The following PRKCE variants were observed in gnomAD, a reference collection of about 807,000 sequenced individuals.
The protein encoded by PRKCE is protein kinase C epsilon type.
A neutral mutation model predicts 85.4 loss-of-function variants in PRKCE; 16 were observed. The ratio of observed to expected loss-of-function variants is 0.19; its 90% CI spans 0.13 to 0.28. The LOEUF is 0.28. Ranked by LOEUF, PRKCE falls within the 10% of genes least tolerant of loss-of-function variation. The probability of loss-of-function intolerance (pLI) is 1.00; values close to 1 mark genes in which losing one functional copy is unlikely to be tolerated. For synonymous variants in PRKCE, 388 were observed against 371.5 expected (o/e 1.04, Z -0.51); for missense variants, 573 against 975.2 (o/e 0.59, Z 5.49).
intron 10 of PRKCE, among the ~76,000 whole-genome samples, chr2:46,044,929 G>A (rs1708428742): frequency 6.6e-6 from 1 of 152,130 alleles, no homozygotes; most frequent in Non-Finnish European, 1.5e-5. Context: ...TTACATGTTT[G>A]TATCTTCTTA....
At position 45,705,922 on chromosome 2, in the gene PRKCE, G is replaced by A. The variant is rs1049571646; in HGVS notation, c.348+53474G>A. Among the ~76,000 whole-genome samples, 7 of 152,312 alleles carry A rather than the reference G, an allele frequency of 4.6e-5. No individual in the cohort carries two copies. The South Asian group carries it at 1.4e-3, about 32-fold the overall frequency. On this transcript the variant is annotated intron_variant, in intron 1 of 14. Coordinates refer to ENST00000306156, the MANE Select transcript of PRKCE (RefSeq NM_005400.3). ...TGAAGATGATTGTAACCTGGGTGTG[G>A]AGTGGGGCCTTTTGTCAGTTGCTTT...
intron 9 of PRKCE, among the ~76,000 whole-genome samples, chr2:46,008,734 TGACTA>T (rs923762707): frequency 6.6e-6 from 1 of 152,186 alleles, no homozygotes; most frequent in Non-Finnish European, 1.5e-5. Flanking sequence ...CTTTAGAGAC[TGACTA>T]AATAAAAAGA....
At chr2:46,158,533 C>G (rs776126945) in intron 13 of PRKCE, among the ~76,000 whole-genome samples, 1 of 152,154 alleles carries the variant, frequency 6.6e-6, no homozygotes, top group African/African-American at 2.4e-5. Flanking sequence ...CCCCTCCAAT[C>G]GCATTGAACT....
At chr2:45,962,580 G>C (rs565145990) in intron 2 of PRKCE, among the ~76,000 whole-genome samples, 1 of 152,150 alleles carries the variant, frequency 6.6e-6, no homozygotes, top group Admixed American at 6.5e-5. Flanking sequence ...GTTTCTCTTG[G>C]TTGCAGAGCT....
intron 1 of PRKCE, among the ~76,000 whole-genome samples, chr2:45,770,152 C>T (rs141480968): frequency 1.3e-3 from 192 of 152,332 alleles, no homozygotes; most frequent in African/African-American, 4.1e-3. Flanking sequence ...GTAGTGTATG[C>T]TCCAGCCCTC....
intron 2 of PRKCE, among the ~76,000 whole-genome samples, chr2:45,909,009 G>A (rs1057283614): frequency 1.3e-5 from 2 of 152,194 alleles, no homozygotes; most frequent in Non-Finnish European, 2.9e-5. Context: ...CCTTGACCTT[G>A]AAGTCAGCCA....
intron 10 of PRKCE, among the ~76,000 whole-genome samples, chr2:46,058,683 C>A (rs1457511041): frequency 6.6e-6 from 1 of 152,130 alleles, no homozygotes; most frequent in East Asian, 1.9e-4. Flanking sequence ...TGGTTTCACT[C>A]ACATTGAATT....
At chr2:45,878,659 T>C (rs1694655485) in intron 2 of PRKCE, among the ~76,000 whole-genome samples, 1 of 152,256 alleles carries the variant, frequency 6.6e-6, no homozygotes, top group Non-Finnish European at 1.5e-5. Context: ...TTGTTATTTT[T>C]AGTGGTATAG....
intron 3 of PRKCE, 94 bp downstream of exon 3, chr2:45,976,682 T>G: frequency 7.1e-7 from 1 of 1,404,130 alleles, no homozygotes; most frequent in Non-Finnish European, 9.7e-7. Flanking sequence ...ATTTAAAGAA[T>G]GCTGGTGTGC....
At chr2:46,180,685 T>C (rs1341373968) in intron 14 of PRKCE, among the ~76,000 whole-genome samples, 2 of 152,210 alleles carry the variant, frequency 1.3e-5, no homozygotes, top group African/African-American at 4.8e-5. Flanking sequence ...ATTTATTGAG[T>C]GCACTCTGTA....
intron 1 of PRKCE, among the ~76,000 whole-genome samples, chr2:45,752,763 C>T (rs1056418496): frequency 6.6e-6 from 1 of 152,304 alleles, no homozygotes; most frequent in Admixed American, 6.5e-5. Flanking sequence ...ACCTAGGTAC[C>T]TACCTCCACC....
At chr2:46,034,648 C>T (rs1707745759) in intron 10 of PRKCE, among the ~76,000 whole-genome samples, 1 of 152,314 alleles carries the variant, frequency 6.6e-6, no homozygotes. Context: ...ACGCCGAGGC[C>T]ATGGGCTTAG....
intron 10 of PRKCE, among the ~76,000 whole-genome samples, chr2:46,011,385 T>G (rs1270440447): frequency 6.6e-6 from 1 of 152,240 alleles, no homozygotes; most frequent in Non-Finnish European, 1.5e-5. Flanking sequence ...TTTTTCCACT[T>G]AAAATTCAAT....
In PRKCE at chr2:46,186,786, C is replaced by G. The variant is rs1485845411; in HGVS notation, c.*1905C>G. 2 of 152,176 alleles carry G rather than the reference C, an allele frequency of 1.3e-5. No homozygotes were observed. Among genetic ancestry groups the G allele is most frequent in the African/African-American group, 4.9e-5 (2 of 41,158 alleles). The allele number at this position is 152,176 out of a possible 1,614,324, so 9.4% of individuals were successfully genotyped here. ...CTTGAGCCCATTAGAGAGTCTGTGT[C>G]CATATTTGCATCTGGCTGGTCATAG... On this transcript the variant is annotated 3_prime_UTR_variant, in exon 15 of 15. Coordinates refer to ENST00000306156, the MANE Select transcript of PRKCE (RefSeq NM_005400.3).
chr2:45,782,965 T>C lies in PRKCE; in HGVS notation c.349-60035T>C, dbSNP rs954817497. 3.9e-5 allele frequency among the ~76,000 whole-genome samples: 6 copies of C among 152,166 alleles called. No homozygotes were observed. The East Asian group carries it at 1.2e-3, about 29-fold the overall frequency. On this transcript the variant is annotated intron_variant, in intron 1 of 14. Transcript: ENST00000306156. The stretch of plus-strand genomic sequence containing the variant: ...GACCTACTCAGGTACTTCCTCTATA[T>C]TATTTCATTACTTTTTTGTCCTGAT...
chr2:46,102,123 G>A (rs1671299665), intron 11 of PRKCE, among the ~76,000 whole-genome samples: 1 of 152,130 alleles, frequency 6.6e-6, no homozygotes, highest in Non-Finnish European at 1.5e-5. Context: ...AGCCATGATG[G>A]TAGTACTTAT....
intron 1 of PRKCE, among the ~76,000 whole-genome samples, chr2:45,740,546 C>G (rs1049623682): frequency 6.6e-6 from 1 of 152,174 alleles, no homozygotes; most frequent in Admixed American, 6.5e-5. Context: ...GCACCCTTCC[C>G]CCTGCCCATT....
rs1399319681 is a variant in PRKCE at position 45,895,532 on chromosome 2, G to A, written c.412+52469G>A. Among the ~76,000 whole-genome samples, 1 of 152,190 alleles carries A rather than the reference G, an allele frequency of 6.6e-6. No individual in the cohort carries two copies. Among genetic ancestry groups the A allele is most frequent in the Non-Finnish European group, 1.5e-5 (1 of 68,044 alleles). On this transcript the variant is annotated intron_variant, in intron 2 of 14. Coordinates refer to ENST00000306156, the MANE Select transcript of PRKCE (RefSeq NM_005400.3). This position sits in a 1 kb window ranked among gnomAD's most constrained non-coding sequence, Gnocchi z 4.8. Reference sequence around the variant, plus strand: ...AAGGAATTAACTGTTAGGACACCAGGAAGTGCTCAATTAATTCTTCTTCAA... The same window carrying A: ...AAGGAATTAACTGTTAGGACACCAGAAAGTGCTCAATTAATTCTTCTTCAA...
At chr2:45,816,041 A>G (rs1689013856) in intron 1 of PRKCE, among the ~76,000 whole-genome samples, 1 of 152,184 alleles carries the variant, frequency 6.6e-6, no homozygotes, top group Non-Finnish European at 1.5e-5. Flanking sequence ...TGGGGCTCTC[A>G]TTTAACCATT....
Sources: allele counts gnomAD v4.1 joint callset (sites outside exome capture counted in the v4.1 genomes callset), GRCh38; gene constraint gnomAD v4.1.1; non-coding constraint Gnocchi (gnomAD v3.1); transcripts MANE v1.5; gene names NCBI Gene and HGNC (gene_info 2026-07-23, HGNC 2026-07-21).